ARHGAP35: variants seen among roughly 807,000 people sequenced by gnomAD.
ARHGAP35 encodes rho GTPase-activating protein 35.
Under a neutral mutation model 111.1 loss-of-function variants are expected in ARHGAP35, and 15 were observed. The observed-to-expected ratio is 0.13, with a 90% CI of 0.09 to 0.21. The LOEUF is 0.21. Among genes scored for constraint, ARHGAP35 ranks in the 10% least tolerant of loss-of-function variants. The probability of loss-of-function intolerance (pLI) is 1.00; values close to 1 mark genes in which losing one functional copy is unlikely to be tolerated. For synonymous variants in ARHGAP35, 643 were observed against 710.3 expected, an observed-to-expected ratio of 0.91 and a Z score of 1.51; for missense variants, 1,262 against 1,873.0, an observed-to-expected ratio of 0.67 and a Z score of 6.02.
At chr19:46,888,188 G>C (rs1164924866) in intron 1 of ARHGAP35, among the ~76,000 whole-genome samples, 1 of 143,102 alleles carries the variant, frequency 7.0e-6, no homozygotes, top group Non-Finnish European at 1.5e-5. Flanking sequence ...TCCTGACCTT[G>C]TGATCCGCCC....
chr19:46,977,936 A>T (rs560422212), intron 3 of ARHGAP35, among the ~76,000 whole-genome samples: 2 of 152,314 alleles, frequency 1.3e-5, no homozygotes, highest in South Asian at 4.1e-4. Context: ...GCGTAAATGT[A>T]AGCAATTGTT....
At position 46,901,688 on chromosome 19, in the gene ARHGAP35, G is replaced by A. The variant is rs1353585443; in HGVS notation, c.-188-16800G>A. Among the ~76,000 whole-genome samples the A allele has an allele frequency of 1.3e-5, 2 of 152,214 alleles. No homozygotes were observed. Among genetic ancestry groups the A allele is most frequent in the African/African-American group, 2.4e-5 (1 of 41,454 alleles). ...ATCTAGATTCCCTGGCAGCAGATAC[G>A]TTGGCTTTCTCAGCTGTTGAATTTG... On this transcript the variant is annotated intron_variant, in intron 1 of 6. Coordinates refer to ENST00000672722, the MANE Select transcript of ARHGAP35 (RefSeq NM_004491.5). The surrounding 1 kb of genome is among the most constrained non-coding windows in gnomAD (Gnocchi z 4.5).
At chr19:46,996,288 G>C (rs1325980388) in intron 5 of ARHGAP35, among the ~76,000 whole-genome samples, 1 of 152,066 alleles carries the variant, frequency 6.6e-6, no homozygotes, top group Non-Finnish European at 1.5e-5. Flanking sequence ...ATTTTTAGTA[G>C]AGATGGGGTT....
At chr19:46,997,475 G>A (rs1256430783) in intron 5 of ARHGAP35, 1 of 152,192 alleles carries the variant, frequency 6.6e-6, no homozygotes, top group East Asian at 1.9e-4. Context: ...GTCCAGCTGT[G>A]AACTCTTCAT....
At chr19:46,996,879 C>T (rs778136947) in intron 5 of ARHGAP35, among the ~76,000 whole-genome samples, 1 of 151,864 alleles carries the variant, frequency 6.6e-6, no homozygotes, top group African/African-American at 2.4e-5. Context: ...TGCCCATGGC[C>T]GGGTGCGGTG....
chr19:46,882,682 G>A (rs929620924), intron 1 of ARHGAP35, among the ~76,000 whole-genome samples: 1 of 152,176 alleles, frequency 6.6e-6, no homozygotes, highest in South Asian at 2.1e-4. Flanking sequence ...GCCCCTTTGT[G>A]TGATGTTCCC....
rs529367049 is a variant in ARHGAP35 at position 46,961,163 on chromosome 19, G to C, written c.3826+23755G>C. 2.2e-3 allele frequency among the ~76,000 whole-genome samples: 334 copies of C among 152,290 alleles called. 1 individual carries two copies. Among genetic ancestry groups the C allele is most frequent in the Middle Eastern group, 0.014 (4 of 294 alleles). ...GCCCGCCTCAGCCTCCCAAAGTGCTGGGATTACAGGCATGAGCTGCCGCGC... is the reference window on the plus strand; with the variant it reads ...GCCCGCCTCAGCCTCCCAAAGTGCTCGGATTACAGGCATGAGCTGCCGCGC... On this transcript the variant is annotated intron_variant, in intron 3 of 6. Coordinates refer to ENST00000672722, the MANE Select transcript of ARHGAP35 (RefSeq NM_004491.5).
intron 1 of ARHGAP35, among the ~76,000 whole-genome samples, chr19:46,906,604 TAGAAC>T (rs1455692303): frequency 1.3e-5 from 2 of 152,184 alleles, no homozygotes; most frequent in African/African-American, 4.8e-5. Flanking sequence ...AGTCCAGAAA[TAGAAC>T]AGAAGCTCCA....
chr19:46,897,293 G>C (rs1038127645), intron 1 of ARHGAP35, among the ~76,000 whole-genome samples: 1 of 152,050 alleles, frequency 6.6e-6, no homozygotes, highest in Admixed American at 6.6e-5. Context: ...AAGCTGCTTT[G>C]TGCACTTATT....
chr19:46,884,296 AAAC>A lies in ARHGAP35; in HGVS notation c.-189+23099_-189+23101del, dbSNP rs1001378921. Among the ~76,000 whole-genome samples the A allele has an allele frequency of 1.7e-4, 26 of 152,144 alleles. 1 individual carries two copies. The East Asian group carries it at 4.3e-3, about 25-fold the overall frequency. On this transcript the variant is annotated intron_variant, in intron 1 of 6. Transcript: ENST00000672722. ...AACTACACTCCAGCCTGGGCAACAAAAACAACAACAACAAAAAGGATCTAACTT... is the reference window on the plus strand; with the variant it reads ...AACTACACTCCAGCCTGGGCAACAAAAACAACAACAAAAAGGATCTAACTT...
intron 3 of ARHGAP35, among the ~76,000 whole-genome samples, chr19:46,984,506 G>A (rs1487175953): frequency 6.6e-6 from 1 of 152,170 alleles, no homozygotes; most frequent in East Asian, 1.9e-4. Flanking sequence ...CCTTGGTGGT[G>A]TTTGCAGCCT....
chr19:46,978,436 G>A (rs2056590695), intron 3 of ARHGAP35, among the ~76,000 whole-genome samples: 1 of 152,030 alleles, frequency 6.6e-6, no homozygotes, highest in African/African-American at 2.4e-5. Flanking sequence ...TGGAAAGGAA[G>A]CGGGTGTTTT....
At chr19:46,985,483 C>T (rs2056644096) in intron 3 of ARHGAP35, among the ~76,000 whole-genome samples, 1 of 152,248 alleles carries the variant, frequency 6.6e-6, no homozygotes. Flanking sequence ...CGGACTCAGA[C>T]CACTCTGCCT....
At chr19:46,971,489 T>C (rs950751388) in intron 3 of ARHGAP35, among the ~76,000 whole-genome samples, 1 of 151,786 alleles carries the variant, frequency 6.6e-6, no homozygotes, top group African/African-American at 2.4e-5. Flanking sequence ...TTTTTTGTTT[T>C]GTTTCTCTTT....
chr19:46,968,722 C>T (rs2056528689), intron 3 of ARHGAP35, among the ~76,000 whole-genome samples: 1 of 152,168 alleles, frequency 6.6e-6, no homozygotes, highest in Non-Finnish European at 1.5e-5. Flanking sequence ...AAACTAGTCA[C>T]ACAAGATCAC....
In ARHGAP35 at chr19:46,919,655, G is replaced by A. The variant is rs910274838; in HGVS notation, c.980G>A (p.Arg327His). The change falls in exon 2 of 7, where the codon CGC becomes CAC. Residue 327 changes from arginine to histidine, a missense_variant. Physicochemically the swap from Arg to His is conservative, Grantham distance 29 (BLOSUM62 0). This residue lies in a region of ARHGAP35 where 328 missense variants were observed against 440.8 expected (regional missense o/e 0.74). Transcript: ENST00000672722. This position sits in a 1 kb window ranked among gnomAD's most constrained non-coding sequence, Gnocchi z 6.2. ...AKKLFLQHIH[R>H]LKHEHIERRR... ...AAGCTGTTTCTACAGCACATCCACC[G>A]CCTCAAGCATGAGCATATCGAGCGT... The A allele has an allele frequency of 3.1e-6, 5 of 1,613,932 alleles. No homozygotes were observed. The highest frequency in any genetic ancestry group is 2.2e-5 in the East Asian group (1 of 44,880).
rs1010655048 is a variant in ARHGAP35 at position 46,922,931 on chromosome 19, C to T, written c.3681+575C>T. On this transcript the variant is annotated intron_variant, in intron 2 of 6. Transcript: ENST00000672722. This position sits in a 1 kb window ranked among gnomAD's most constrained non-coding sequence, Gnocchi z 4.0. Reference sequence around the variant, plus strand: ...TCCCGTATTTGTTAAATTGGAATACCATCCAGTCTATTATTTTATCTTCAA... The same window carrying T: ...TCCCGTATTTGTTAAATTGGAATACTATCCAGTCTATTATTTTATCTTCAA... 3.9e-5 allele frequency among the ~76,000 whole-genome samples: 6 copies of T among 152,060 alleles called. No individual in the cohort carries two copies. The highest frequency in any genetic ancestry group is 1.4e-4 in the African/African-American group (6 of 41,410).
chr19:46,885,043 G>T (rs1254393738), intron 1 of ARHGAP35, among the ~76,000 whole-genome samples: 1 of 152,110 alleles, frequency 6.6e-6, no homozygotes, highest in Non-Finnish European at 1.5e-5. Context: ...AAATCCTAAA[G>T]CTTGCGGAAG....
At chr19:46,868,208 A>G (rs2055868949) in intron 1 of ARHGAP35, among the ~76,000 whole-genome samples, 1 of 152,200 alleles carries the variant, frequency 6.6e-6, no homozygotes, top group South Asian at 2.1e-4. Flanking sequence ...GCTGCATTGT[A>G]AATTTCTTGA....
Sources: gnomAD v4.1 joint callset for allele counts (sites outside exome capture counted in the v4.1 genomes callset) on GRCh38, gnomAD v4.1.1 for gene constraint, gnomAD v4.1.1 regional missense constraint, Gnocchi (gnomAD v3.1) non-coding constraint, MANE v1.5 for transcripts, NCBI Gene and HGNC (gene_info 2026-07-23, HGNC 2026-07-21) for gene names.